DPYD: variants seen among roughly 807,000 people sequenced by gnomAD.
DPYD encodes the protein dihydropyrimidine dehydrogenase [NADP(+)].
In DPYD, 109 loss-of-function variants were observed where a neutral mutation model predicts 116.2. That is an observed-to-expected ratio of 0.94 (90% confidence interval 0.80 to 1.10). DPYD has a LOEUF of 1.10. DPYD is among the 50% of genes least tolerant of loss of function. The pLI is 0.00. For synonymous variants in DPYD, 440 were observed against 432.0 expected, an observed-to-expected ratio of 1.02 and a Z score of -0.23; for missense variants, 1,302 against 1,254.5, an observed-to-expected ratio of 1.04 and a Z score of -0.57.
At chr1:97,688,507 A>G (rs746644355) in intron 7 of DPYD, among the ~76,000 whole-genome samples, 26 of 152,164 alleles carry the variant, frequency 1.7e-4, no homozygotes, top group Non-Finnish European at 1.5e-4. Flanking sequence ...GTTCTATTTC[A>G]TAAGAGGGTT....
At chr1:97,348,916 G>C (rs896277199) in intron 16 of DPYD, among the ~76,000 whole-genome samples, 1 of 152,120 alleles carries the variant, frequency 6.6e-6, no homozygotes, top group African/African-American at 2.4e-5. Context: ...TCAGTTCTCT[G>C]AGCTGTCATC....
At position 97,078,925 on chromosome 1, in the gene DPYD, C is replaced by G. The variant is rs1195438384; in HGVS notation, c.*51G>C. 1 of 1,589,624 alleles carries G rather than the reference C, an allele frequency of 6.3e-7. No homozygotes were observed. The highest frequency in any genetic ancestry group is 8.6e-7 in the Non-Finnish European group (1 of 1,158,148). On this transcript the variant is annotated 3_prime_UTR_variant, in exon 23 of 23. Transcript: ENST00000370192. ...CACAAGGATCATGATTTTAAAAGATCAGCATATGTAGGTGACATGAAAGTT... is the reference window on the plus strand; with the variant it reads ...CACAAGGATCATGATTTTAAAAGATGAGCATATGTAGGTGACATGAAAGTT...
At chr1:97,323,346 A>ATG (rs1491332226) in intron 16 of DPYD, among the ~76,000 whole-genome samples, 2 of 5,814 alleles carry the variant, frequency 3.4e-4, no homozygotes, top group Non-Finnish European at 5.9e-4. Flanking sequence ...GTATATATAC[A>ATG]TGTGTATATG....
intron 12 of DPYD, among the ~76,000 whole-genome samples, chr1:97,538,185 C>T (rs904315663): frequency 2.6e-5 from 4 of 152,046 alleles, no homozygotes; most frequent in Admixed American, 1.3e-4. Context: ...ATTCCATTAA[C>T]GAATCCACCA....
At chr1:97,673,899 A>C (rs1281253792) in intron 8 of DPYD, among the ~76,000 whole-genome samples, 1 of 152,200 alleles carries the variant, frequency 6.6e-6, no homozygotes, top group Non-Finnish European at 1.5e-5. Context: ...AGGTTAAAAA[A>C]CTTCAGATAA....
At chr1:97,225,003 GTCTA>G (rs3050227) in intron 19 of DPYD, among the ~76,000 whole-genome samples, 33,435 of 126,626 alleles carry the variant, frequency 0.26, 3,893 homozygotes, top group Middle Eastern at 0.29. Context: ...CTGTCTGTCT[GTCTA>G]TCTATCTATC....
At position 97,152,659 on chromosome 1, in the gene DPYD, T is replaced by C. The variant is rs76868683; in HGVS notation, c.2622+40410A>G. 3.2e-3 allele frequency among the ~76,000 whole-genome samples: 478 copies of C among 151,046 alleles called. 5 individuals are homozygous for C. The highest frequency in any genetic ancestry group is 0.011 in the African/African-American group (468 of 41,240). The stretch of plus-strand genomic sequence containing the variant: ...ATAACATATATATGCAAGGCACACA[T>C]GTAGATATTGCTGTATATATTCTGT... On this transcript the variant is annotated intron_variant, in intron 20 of 22. Coordinates refer to ENST00000370192, the MANE Select transcript of DPYD (RefSeq NM_000110.4).
intron 20 of DPYD, among the ~76,000 whole-genome samples, chr1:97,186,742 G>C (rs1481724859): frequency 1.3e-5 from 2 of 152,244 alleles, no homozygotes; most frequent in East Asian, 3.9e-4. Flanking sequence ...CCAGCTACTG[G>C]GGAGGCTCAG....
At chr1:97,199,752 C>T (rs1364975114) in intron 19 of DPYD, among the ~76,000 whole-genome samples, 17 of 152,072 alleles carry the variant, frequency 1.1e-4, no homozygotes, top group Admixed American at 1.1e-3. Context: ...CCTTCTCCCT[C>T]CTTTACATCT....
intron 12 of DPYD, among the ~76,000 whole-genome samples, chr1:97,527,228 G>C (rs1228769675): frequency 6.6e-6 from 1 of 151,984 alleles, no homozygotes. Flanking sequence ...ACAGGCGCCT[G>C]CCACCACGCC....
intron 16 of DPYD, among the ~76,000 whole-genome samples, chr1:97,336,724 TG>T (rs1329973560): frequency 6.6e-6 from 1 of 152,122 alleles, no homozygotes; most frequent in Non-Finnish European, 1.5e-5. Flanking sequence ...TATTCCAGCC[TG>T]GGTGACAAGA....
intron 7 of DPYD, among the ~76,000 whole-genome samples, chr1:97,688,125 C>T (rs998706575): frequency 6.6e-6 from 1 of 151,480 alleles, no homozygotes; most frequent in Non-Finnish European, 1.5e-5. Context: ...CATCCTGGAA[C>T]GTAAAATAAA....
At chr1:97,512,665 C>T (rs1327960979) in intron 13 of DPYD, among the ~76,000 whole-genome samples, 1 of 151,776 alleles carries the variant, frequency 6.6e-6, no homozygotes, top group African/African-American at 2.4e-5. Context: ...AAGTCCAAAC[C>T]ATTTCTAATA....
intron 8 of DPYD, among the ~76,000 whole-genome samples, chr1:97,596,049 G>A (rs777096178): frequency 4.1e-4 from 62 of 151,898 alleles, no homozygotes; most frequent in Non-Finnish European, 7.2e-4. Flanking sequence ...GCAAATAAAG[G>A]TTTAATGCAC....
intron 8 of DPYD, among the ~76,000 whole-genome samples, chr1:97,674,491 C>A (rs1298159832): frequency 1.3e-5 from 2 of 152,062 alleles, no homozygotes; most frequent in African/African-American, 4.8e-5. Flanking sequence ...CTTTTTGGCA[C>A]TATCATGTTT....
At chr1:97,563,804 T>G (rs1047088216) in intron 11 of DPYD, among the ~76,000 whole-genome samples, 1 of 152,194 alleles carries the variant, frequency 6.6e-6, no homozygotes, top group Non-Finnish European at 1.5e-5. Flanking sequence ...CAGTTTGACC[T>G]CCATCCTCAT....
rs138289533 is a variant in DPYD, at chr1:97,788,723, G to A, written c.233+39391C>T. On this transcript the variant is annotated intron_variant, in intron 3 of 22. Coordinates refer to ENST00000370192, the MANE Select transcript of DPYD (RefSeq NM_000110.4). ...TCCCAAGGCTAATCAGCTAATAAAG[G>A]ACAGAAAGGCAATTCCCCTGAATTC... Among the ~76,000 whole-genome samples, 821 of 152,318 alleles carry A rather than the reference G, an allele frequency of 5.4e-3. 10 individuals carry two copies. The highest frequency in any genetic ancestry group is 0.019 in the African/African-American group (771 of 41,564).
chr1:97,555,684 A>C (rs2786534), intron 11 of DPYD, among the ~76,000 whole-genome samples: 20 of 152,108 alleles, frequency 1.3e-4, no homozygotes, highest in African/African-American at 4.8e-4. Flanking sequence ...TTTTCTTCCC[A>C]TCAGCAAAAC....
Position 97,631,795 on chromosome 1 carries a change from G to A in DPYD, c.851-36629C>T, listed in dbSNP as rs971011045. ...AGTGGGTAGAGCTTTATGACACTGT[G>A]TGGGGATATGGGGGATAGAGGAGTC... On this transcript the variant is annotated intron_variant, in intron 8 of 22. Coordinates refer to ENST00000370192, the MANE Select transcript of DPYD (RefSeq NM_000110.4). Among the ~76,000 whole-genome samples the A allele has an allele frequency of 3.6e-4, 55 of 152,104 alleles. 1 individual carries two copies. The highest frequency in any genetic ancestry group is 3.4e-3 in the Middle Eastern group (1 of 294).
Sources: allele counts gnomAD v4.1 joint callset (sites outside exome capture counted in the v4.1 genomes callset), GRCh38; gene constraint gnomAD v4.1.1; transcripts MANE v1.5; gene names NCBI Gene and HGNC (gene_info 2026-07-23, HGNC 2026-07-21).